DOCK9: variants seen among roughly 807,000 people sequenced by gnomAD.
DOCK9 encodes the protein dedicator of cytokinesis protein 9.
DOCK9 carries 89 observed loss-of-function variants against 263.3 expected under a neutral mutation model. The ratio of observed to expected loss-of-function variants is 0.34; its 90% confidence interval spans 0.28 to 0.40. DOCK9 has a LOEUF of 0.40. DOCK9 is among the 10% of genes least tolerant of loss of function. The pLI is 1.00. For synonymous variants in DOCK9, 976 were observed against 973.1 expected, an observed-to-expected ratio of 1.00 and a Z score of -0.06; for missense variants, 2,140 against 2,603.4, an observed-to-expected ratio of 0.82 and a Z score of 3.87.
chr13:98,848,386 CGT>C lies in DOCK9; in HGVS notation c.4061+204_4061+205del, dbSNP rs375035459. Among the ~76,000 whole-genome samples, 214 of 152,186 alleles carry C rather than the reference CGT, an allele frequency of 1.4e-3. 6 individuals carry two copies. The South Asian group carries it at 0.042, about 30-fold the overall frequency. The stretch of plus-strand genomic sequence containing the variant: ...AAGGAATGCTTTCCAAGAGATAACA[CGT>C]GAGGTGAAATGAGACTTCGCCGGTA... On this transcript the variant is annotated intron_variant, in intron 37 of 52. Transcript: ENST00000682017.
chr13:98,959,386 A>G (rs1007187211), intron 1 of DOCK9: 4 of 152,210 alleles, frequency 2.6e-5, no homozygotes, highest in African/African-American at 9.7e-5. Flanking sequence ...AAAATTTTCA[A>G]CTTGTACAAA....
At chr13:98,903,453 G>A (rs1160379479) in intron 10 of DOCK9, among the ~76,000 whole-genome samples, 2 of 151,984 alleles carry the variant, frequency 1.3e-5, no homozygotes, top group East Asian at 3.9e-4. Context: ...AATTAGCCAG[G>A]TGTGGTAGTG....
chr13:98,893,711 C>T (rs2046973223), intron 15 of DOCK9, among the ~76,000 whole-genome samples: 1 of 152,044 alleles, frequency 6.6e-6, no homozygotes, highest in Admixed American at 6.5e-5. Flanking sequence ...AGGCCACTGA[C>T]ATGAGATTAT....
Position 98,805,856 on chromosome 13 carries a change from G to A in DOCK9, c.5515-647C>T, listed in dbSNP as rs571012157. 2.3e-4 allele frequency among the ~76,000 whole-genome samples: 35 copies of A among 152,196 alleles called. No individual in the cohort carries two copies. The South Asian group carries it at 6.4e-3, about 28-fold the overall frequency. ...AGCTACTGCAACCTCTGCCTCCAGCGTTCAAGTGATTCTCCTGCCTCAGCC... is the reference window on the plus strand; with the variant it reads ...AGCTACTGCAACCTCTGCCTCCAGCATTCAAGTGATTCTCCTGCCTCAGCC... On this transcript the variant is annotated intron_variant, in intron 48 of 52. Coordinates refer to ENST00000682017, the MANE Select transcript of DOCK9 (RefSeq NM_001366683.2).
intron 1 of DOCK9, among the ~76,000 whole-genome samples, chr13:99,076,988 G>C (rs1362675275): frequency 6.6e-6 from 1 of 152,216 alleles, no homozygotes; most frequent in Non-Finnish European, 1.5e-5. Flanking sequence ...TGGCAACTGA[G>C]AGGGGTGGCC....
chr13:98,993,788 T>TAATAAATA (rs4001053), intron 1 of DOCK9, among the ~76,000 whole-genome samples: 1 of 151,572 alleles, frequency 6.6e-6, no homozygotes, highest in Non-Finnish European at 1.5e-5. Flanking sequence ...ATATTGTAAA[T>TAATAAATA]AATAAATAAA....
chr13:98,841,943 A>C (rs1259107363), intron 38 of DOCK9, among the ~76,000 whole-genome samples: 1 of 152,080 alleles, frequency 6.6e-6, no homozygotes, highest in African/African-American at 2.4e-5. Context: ...ATGCCTGGCC[A>C]CAAACATTTA....
intron 1 of DOCK9, among the ~76,000 whole-genome samples, chr13:99,008,587 TTCTTATACTCTACTTGTA>T (rs1883913947): frequency 6.6e-6 from 1 of 152,176 alleles, no homozygotes; most frequent in Non-Finnish European, 1.5e-5. Flanking sequence ...AACAACATTC[TTCTTATACTCTACTTGTA>T]TCTTAGTCAG....
chr13:99,086,620 G>A, exon 1 of DOCK9: 1 of 147,160 alleles, frequency 6.8e-6, no homozygotes, highest in South Asian at 2.0e-4. Flanking sequence ...GACCGTGCGT[G>A]TGGCGGCGGC....
chr13:98,948,939 C>T (rs1401119422), intron 2 of DOCK9, among the ~76,000 whole-genome samples: 2 of 152,174 alleles, frequency 1.3e-5, no homozygotes, highest in Non-Finnish European at 2.9e-5. Flanking sequence ...CATTTTCTTT[C>T]TCCATTTATC....
intron 5 of DOCK9, 144 bp from the exon 6 acceptor site, chr13:98,922,290 T>C: frequency 1.8e-6 from 1 of 551,924 alleles, no homozygotes; most frequent in African/African-American, 1.9e-5. Flanking sequence ...CACCAATGCC[T>C]ACAAGTCACA....
chr13:98,886,750 C>A, intron 18 of DOCK9, 126 bp from the exon 19 acceptor site: 1 of 858,062 alleles, frequency 1.2e-6, no homozygotes. Flanking sequence ...TGATGGGCCC[C>A]AGGCCTGTGA....
At chr13:98,810,087 T>A in intron 46 of DOCK9, 82 bp downstream of exon 46, 2 of 1,577,684 alleles carry the variant, frequency 1.3e-6, no homozygotes, top group African/African-American at 1.3e-5. Context: ...GCCTGCTTCC[T>A]CTCTCACATA....
In DOCK9 at chr13:98,863,046, C is replaced by T. The variant is rs772201709; in HGVS notation, c.3552G>A (p.Val1184=). The part of the protein sequence containing the change: ...ENVQRINVRD[V]SPFPVNAGMT... ...TGCCCGCGTTCACAGGGAAGGGTGA[C>T]ACATCCCTCACATTGATCCGCTGGA... Residue 1184 remains valine, a synonymous_variant, in exon 32 of 53, where the codon GTG becomes GTA. Coordinates refer to ENST00000682017, the MANE Select transcript of DOCK9 (RefSeq NM_001366683.2). 20 of 1,610,402 alleles carry T rather than the reference C, an allele frequency of 1.2e-5. No homozygotes were observed. The highest frequency in any genetic ancestry group is 1.7e-4 in the Middle Eastern group (1 of 6,058).
chr13:98,879,912 T>G lies in DOCK9; in HGVS notation c.2929A>C (p.Asn977His). Reference protein sequence around the residue: ...IKSMAQHLIENSKVKLLRNQR... With the variant: ...IKSMAQHLIEHSKVKLLRNQR... ...AAGTAACATACCTTAACTTTGGAGTTCTCTATCAAATGCTGAGCCATAGAT... is the reference window on the plus strand; with the variant it reads ...AAGTAACATACCTTAACTTTGGAGTGCTCTATCAAATGCTGAGCCATAGAT... Residue 977 changes from asparagine (N) to histidine (H), a missense_variant, in exon 27 of 53, where the codon AAC becomes CAC. Physicochemically the swap from Asn to His is moderately conservative, Grantham distance 68. Coordinates refer to ENST00000682017, the MANE Select transcript of DOCK9 (RefSeq NM_001366683.2). The G allele has an allele frequency of 6.2e-7, 1 of 1,606,990 alleles. No homozygotes were observed. The highest frequency in any genetic ancestry group is 8.5e-7 in the Non-Finnish European group (1 of 1,178,260).
At chr13:99,064,823 T>G (rs11069345) in intron 1 of DOCK9, among the ~76,000 whole-genome samples, 12,863 of 152,138 alleles carry the variant, frequency 0.085, 769 homozygotes, top group East Asian at 0.24. Context: ...ACAAGATAAA[T>G]GGTTTTTAAA....
chr13:98,925,024 C>T (rs2052694246), intron 4 of DOCK9, among the ~76,000 whole-genome samples: 1 of 151,788 alleles, frequency 6.6e-6, no homozygotes, highest in South Asian at 2.1e-4. Context: ...ATTAGCCGGG[C>T]GTGGTGGCAA....
At chr13:98,875,605 C>T (rs576732618) in intron 27 of DOCK9, among the ~76,000 whole-genome samples, 79 of 152,176 alleles carry the variant, frequency 5.2e-4, no homozygotes, top group Admixed American at 1.8e-3. Context: ...ATTACAGCTG[C>T]TAAATATACA....
chr13:98,861,025 G>A (rs750257866), intron 32 of DOCK9, among the ~76,000 whole-genome samples: 2 of 152,136 alleles, frequency 1.3e-5, no homozygotes, highest in Non-Finnish European at 2.9e-5. Context: ...GTCAAAAAAC[G>A]GGATTTTACT....
Sources: allele counts gnomAD v4.1 joint callset (sites outside exome capture counted in the v4.1 genomes callset), GRCh38; gene constraint gnomAD v4.1.1; transcripts MANE v1.5; gene names NCBI Gene and HGNC (gene_info 2026-07-23, HGNC 2026-07-21).